Variants in BBS9 observed in about 807,000 individuals in gnomAD.
The protein encoded by BBS9 is protein PTHB1.
A neutral mutation model predicts 117.7 loss-of-function variants in BBS9; 89 were observed. The ratio of observed to expected loss-of-function variants is 0.76; its 90% CI spans 0.64 to 0.90. The LOEUF (loss-of-function observed/expected upper bound fraction) is 0.90, where lower values mean the gene tolerates loss of function less well. BBS9 is among the 40% of genes least tolerant of loss of function. The pLI is 0.00. For synonymous variants in BBS9, 379 were observed against 370.9 expected (o/e 1.02, Z -0.25); for missense variants, 982 against 1,042.2 (o/e 0.94, Z 0.80).
intron 15 of BBS9, 151 bp downstream of exon 15, chr7:33,353,024 A>G (rs1818961114): frequency 1.3e-6 from 1 of 747,952 alleles, no homozygotes; most frequent in South Asian, 1.8e-5. Context: ...TGATTCTGCT[A>G]TGGAGAGCAT....
chr7:33,197,770 T>A (rs1398850423), intron 5 of BBS9, among the ~76,000 whole-genome samples: 1 of 152,006 alleles, frequency 6.6e-6, no homozygotes, highest in Non-Finnish European at 1.5e-5. Flanking sequence ...ATAAGTATCA[T>A]ACAAGTGTAA....
chr7:33,186,290 T>G (rs1783117680), intron 5 of BBS9, among the ~76,000 whole-genome samples: 1 of 152,206 alleles, frequency 6.6e-6, no homozygotes, highest in African/African-American at 2.4e-5. Context: ...GCCCTATGTC[T>G]GCAAAATGCT....
intron 19 of BBS9, among the ~76,000 whole-genome samples, chr7:33,430,233 A>G (rs1446694496): frequency 6.6e-6 from 1 of 152,236 alleles, no homozygotes; most frequent in Non-Finnish European, 1.5e-5. Context: ...CACTTACTCA[A>G]AAGATGTTGA....
intron 20 of BBS9, among the ~76,000 whole-genome samples, chr7:33,528,588 T>G (rs1850047451): frequency 6.6e-6 from 1 of 152,236 alleles, no homozygotes; most frequent in Non-Finnish European, 1.5e-5. Context: ...AAAAGTAGGA[T>G]TGAATATATT....
chr7:33,319,697 G>C (rs1811278349), intron 9 of BBS9, among the ~76,000 whole-genome samples: 1 of 152,088 alleles, frequency 6.6e-6, no homozygotes, highest in Non-Finnish European at 1.5e-5. Context: ...CAAAAACAAA[G>C]ATAGATTGGT....
At chr7:33,149,611 A>G (rs1651983992) in intron 2 of BBS9, among the ~76,000 whole-genome samples, 1 of 152,206 alleles carries the variant, frequency 6.6e-6, no homozygotes, top group Non-Finnish European at 1.5e-5. Context: ...TTACATGCCA[A>G]CCTGTGGCCT....
chr7:33,335,215 C>A (rs1049749721), intron 9 of BBS9, among the ~76,000 whole-genome samples: 1 of 151,804 alleles, frequency 6.6e-6, no homozygotes, highest in African/African-American at 2.4e-5. Context: ...TAAACATCTT[C>A]TTTTCTCTCA....
In BBS9 at chr7:33,410,009, C is replaced by T. The variant is rs114726873; in HGVS notation, c.2115+21865C>T. 4.9e-3 allele frequency among the ~76,000 whole-genome samples: 739 copies of T among 152,152 alleles called. 4 individuals carry two copies. The highest frequency in any genetic ancestry group is 0.017 in the African/African-American group (713 of 41,504). ...AAACCTTAGGAGTGCTATGATTAAA[C>T]CTCTGTTGTGAAATTTACTTATATT... is the stretch of plus-strand genomic sequence containing the variant. On this transcript the variant is annotated intron_variant, in intron 19 of 22. Transcript: ENST00000242067.
chr7:33,464,062 A>G (rs1484347298), intron 19 of BBS9, among the ~76,000 whole-genome samples: 1 of 152,114 alleles, frequency 6.6e-6, no homozygotes, highest in Admixed American at 6.6e-5. Flanking sequence ...AGTTAAAATC[A>G]TACATCATTT....
intron 9 of BBS9, among the ~76,000 whole-genome samples, chr7:33,334,803 G>A (rs1244384010): frequency 6.6e-6 from 1 of 152,210 alleles, no homozygotes; most frequent in African/African-American, 2.4e-5. Context: ...GAGCTCTACA[G>A]GAGCAGCATC....
rs375704212 is a variant in BBS9, at chr7:33,155,539, T to C, written c.264-99T>C. 64 of 744,828 alleles carry C rather than the reference T, an allele frequency of 8.6e-5. No individual in the cohort carries two copies. In the African/African-American group the frequency reaches 9.1e-4, roughly 11 times the overall value. 46.1% of individuals were successfully genotyped at this position (744,828 alleles called of 1,614,324 possible). A position where few individuals can be genotyped will look rare whatever the true frequency, so the allele number is the denominator to read the frequency against. ...AATGAATTGTTTTGTTTACTCACAGTGGCTGTGGTTATGAGATCTTTTTGA... is the reference window on the plus strand; with the variant it reads ...AATGAATTGTTTTGTTTACTCACAGCGGCTGTGGTTATGAGATCTTTTTGA... On this transcript the variant is annotated intron_variant, in intron 3 of 22. Transcript: ENST00000242067.
chr7:33,323,009 C>T (rs74497201), intron 9 of BBS9, among the ~76,000 whole-genome samples: 1 of 152,092 alleles, frequency 6.6e-6, no homozygotes, highest in Non-Finnish European at 1.5e-5. Flanking sequence ...CATTAAGGAG[C>T]ATATTGTTTA....
At chr7:33,317,218 C>T (rs956172032) in intron 9 of BBS9, among the ~76,000 whole-genome samples, 1 of 152,088 alleles carries the variant, frequency 6.6e-6, no homozygotes, top group Non-Finnish European at 1.5e-5. Context: ...TCTGTTTAGT[C>T]TCATGCCAAT....
intron 9 of BBS9, among the ~76,000 whole-genome samples, chr7:33,288,742 C>A (rs1240920532): frequency 6.6e-6 from 1 of 152,118 alleles, no homozygotes; most frequent in Non-Finnish European, 1.5e-5. Flanking sequence ...CCCAATAACA[C>A]TGTTCTAAGA....
chr7:33,164,727 T>C (rs904489023), intron 4 of BBS9, among the ~76,000 whole-genome samples: 2 of 152,218 alleles, frequency 1.3e-5, no homozygotes, highest in African/African-American at 4.8e-5. Context: ...TGTGTGTCTC[T>C]GCATGTGAGA....
chr7:33,152,585 A>G (rs1793504472), intron 2 of BBS9, 116 bp from the exon 3 acceptor site: 1 of 1,007,258 alleles, frequency 9.9e-7, no homozygotes, highest in Non-Finnish European at 1.5e-6. Context: ...GTATAAAGCA[A>G]GACTGAATTC....
intron 9 of BBS9, among the ~76,000 whole-genome samples, chr7:33,313,062 T>TGC (rs1554412005): frequency 3.4e-5 from 5 of 146,918 alleles, no homozygotes; most frequent in African/African-American, 1.3e-4. Flanking sequence ...TGTGTGTGTG[T>TGC]GTGCGCGCAC....
intron 19 of BBS9, among the ~76,000 whole-genome samples, chr7:33,500,242 T>TTAG (rs1172959758): frequency 3.9e-5 from 6 of 152,212 alleles, no homozygotes; most frequent in Middle Eastern, 3.2e-3. Flanking sequence ...ATGTAATGTA[T>TTAG]TAGTAGTGTT....
chr7:33,615,296 T>A (rs1370379818), intron 21 of BBS9, among the ~76,000 whole-genome samples: 5 of 151,974 alleles, frequency 3.3e-5, no homozygotes, highest in Non-Finnish European at 5.9e-5. Context: ...TTGTTAGAAT[T>A]GTCAGAATGG....
Sources: allele counts gnomAD v4.1 joint callset (sites outside exome capture counted in the v4.1 genomes callset), GRCh38; gene constraint gnomAD v4.1.1; transcripts MANE v1.5; gene names NCBI Gene and HGNC (gene_info 2026-07-23, HGNC 2026-07-21).